UBE2E2: variants seen among roughly 807,000 people sequenced by gnomAD.
UBE2E2 encodes ubiquitin conjugating enzyme E2 E2, also known as ubiquitin-conjugating enzyme E2 E2.
A neutral mutation model predicts 24.7 loss-of-function variants in UBE2E2; 6 were observed. The observed-to-expected ratio is 0.24, with a 90% CI of 0.13 to 0.48. The LOEUF is 0.48. UBE2E2 is among the 20% of genes least tolerant of loss of function. The pLI, the probability that UBE2E2 is intolerant of heterozygous loss-of-function variation, is 0.99. For synonymous variants in UBE2E2, 104 were observed against 83.6 expected (o/e 1.24, Z -1.33); for missense variants, 169 against 245.0 (o/e 0.69, Z 2.07).
intron 3 of UBE2E2, among the ~76,000 whole-genome samples, chr3:23,378,285 A>C (rs143317186): frequency 2.0e-3 from 299 of 151,092 alleles, no homozygotes; most frequent in Admixed American, 4.4e-3. Flanking sequence ...TTAAAATTGT[A>C]CACATCTTGC....
chr3:23,562,634 A>G (rs1310841613), intron 5 of UBE2E2, among the ~76,000 whole-genome samples: 2 of 152,248 alleles, frequency 1.3e-5, no homozygotes. Flanking sequence ...GAATAGTTTC[A>G]GAAGGAATGG....
At position 23,567,612 on chromosome 3, in the gene UBE2E2, C is replaced by T. The variant is rs569032842; in HGVS notation, c.509-22122C>T. Among the ~76,000 whole-genome samples, 63 of 152,254 alleles carry T rather than the reference C, an allele frequency of 4.1e-4. 1 individual carries two copies. The highest frequency in any genetic ancestry group is 1.5e-3 in the African/African-American group (62 of 41,532). ...AAGTGGCACCAGACCTGTCAGAATG[C>T]TCACCACGCCAAGTCAGTGACTTAA... On this transcript the variant is annotated intron_variant, in intron 5 of 5. Transcript: ENST00000396703.
chr3:23,250,141 A>C (rs928054412), intron 3 of UBE2E2, among the ~76,000 whole-genome samples: 5 of 152,164 alleles, frequency 3.3e-5, no homozygotes, highest in Non-Finnish European at 7.3e-5. Context: ...TTGTTACCAC[A>C]ACCTTGCAGG....
In UBE2E2 at chr3:23,506,738, A is replaced by G. The variant is rs142311123; in HGVS notation, c.360+6998A>G. Among the ~76,000 whole-genome samples the G allele has an allele frequency of 8.6e-3, 1,316 of 152,208 alleles. 8 individuals are homozygous for G. Among genetic ancestry groups the G allele is most frequent in the African/African-American group, 0.027 (1,127 of 41,516 alleles). On this transcript the variant is annotated intron_variant, in intron 4 of 5. Transcript: ENST00000396703. ...AACCTCAGCCTCCCGGGCTCAAGCAATCTTCCCACCCCAGCCTCCCAAATG... is the reference window on the plus strand; with the variant it reads ...AACCTCAGCCTCCCGGGCTCAAGCAGTCTTCCCACCCCAGCCTCCCAAATG...
intron 5 of UBE2E2, chr3:23,534,367 C>A: frequency 4.8e-6 from 2 of 413,476 alleles, no homozygotes; most frequent in Non-Finnish European, 6.5e-6. Context: ...ATTACAAATG[C>A]ATTCTGCAAA....
In UBE2E2 at chr3:23,267,129, G is replaced by A. The variant is rs62255301; in HGVS notation, c.227+49817G>A. The stretch of plus-strand genomic sequence containing the variant: ...AAAGATCCAAAATTGACACCCTAAC[G>A]TCACAATTAAAAGAACTAGAAAAGC... On this transcript the variant is annotated intron_variant, in intron 3 of 5. Transcript: ENST00000396703. Among the ~76,000 whole-genome samples, 893 of 151,268 alleles carry A rather than the reference G, an allele frequency of 5.9e-3. 8 individuals are homozygous for A. The highest frequency in any genetic ancestry group is 0.018 in the African/African-American group (749 of 41,172).
intron 3 of UBE2E2, among the ~76,000 whole-genome samples, chr3:23,233,546 A>G (rs1275492802): frequency 6.6e-6 from 1 of 152,224 alleles, no homozygotes; most frequent in African/African-American, 2.4e-5. Context: ...TATCCTAAAC[A>G]TTGGAACAAA....
intron 3 of UBE2E2, among the ~76,000 whole-genome samples, chr3:23,406,847 C>G (rs929379896): frequency 1.3e-5 from 2 of 152,186 alleles, no homozygotes; most frequent in African/African-American, 4.8e-5. Context: ...ACACTTGATA[C>G]CTCCCTATTG....
chr3:23,304,034 G>A (rs560153021), intron 3 of UBE2E2, among the ~76,000 whole-genome samples: 2 of 152,280 alleles, frequency 1.3e-5, no homozygotes, highest in South Asian at 4.1e-4. Flanking sequence ...TTTAGTCCAC[G>A]ACTGTTGGGT....
At chr3:23,481,968 A>G (rs1340900967) in intron 3 of UBE2E2, among the ~76,000 whole-genome samples, 1 of 152,254 alleles carries the variant, frequency 6.6e-6, no homozygotes, top group East Asian at 1.9e-4. Flanking sequence ...AGATACCATG[A>G]CTAGTGAACT....
chr3:23,355,232 G>A (rs188554890), intron 3 of UBE2E2, among the ~76,000 whole-genome samples: 506 of 147,512 alleles, frequency 3.4e-3, no homozygotes, highest in Non-Finnish European at 5.4e-3. Context: ...ACTGGTGGGG[G>A]GTTGGGGGAG....
intron 1 of UBE2E2, among the ~76,000 whole-genome samples, chr3:23,207,063 G>A (rs1696167019): frequency 6.6e-6 from 1 of 152,182 alleles, no homozygotes; most frequent in African/African-American, 2.4e-5. Context: ...TGAGAAGATA[G>A]CTATACAGTG....
At chr3:23,314,720 T>A (rs997892832) in intron 3 of UBE2E2, among the ~76,000 whole-genome samples, 1 of 152,340 alleles carries the variant, frequency 6.6e-6, no homozygotes, top group East Asian at 1.9e-4. Context: ...TAACCAGATA[T>A]GCTTTTCTGA....
intron 3 of UBE2E2, among the ~76,000 whole-genome samples, chr3:23,472,865 C>T (rs1288048711): frequency 6.6e-6 from 1 of 151,948 alleles, no homozygotes; most frequent in African/African-American, 2.4e-5. Flanking sequence ...ATTGCCTATG[C>T]TGGTCTCAAA....
At chr3:23,390,917 A>G (rs969642148) in intron 3 of UBE2E2, among the ~76,000 whole-genome samples, 1 of 152,220 alleles carries the variant, frequency 6.6e-6, no homozygotes, top group Admixed American at 6.5e-5. Context: ...CACAATTGTA[A>G]TCATTCAATT....
At chr3:23,552,222 C>T (rs569253743) in intron 5 of UBE2E2, among the ~76,000 whole-genome samples, 3 of 152,248 alleles carry the variant, frequency 2.0e-5, no homozygotes, top group African/African-American at 4.8e-5. Flanking sequence ...GGCTTGGTGG[C>T]ACCCCCCTGT....
At chr3:23,354,846 A>G (rs1384210585) in intron 3 of UBE2E2, among the ~76,000 whole-genome samples, 4 of 152,230 alleles carry the variant, frequency 2.6e-5, no homozygotes, top group Admixed American at 1.3e-4. Context: ...CTAGAACTAG[A>G]CATACCATTT....
chr3:23,492,723 C>T (rs1219884713), intron 3 of UBE2E2, among the ~76,000 whole-genome samples: 1 of 152,072 alleles, frequency 6.6e-6, no homozygotes, highest in Non-Finnish European at 1.5e-5. Flanking sequence ...GTTTTTTCAG[C>T]ATTTGATATG....
chr3:23,320,962 C>A (rs1485027746), intron 3 of UBE2E2, among the ~76,000 whole-genome samples: 1 of 152,200 alleles, frequency 6.6e-6, no homozygotes, highest in African/African-American at 2.4e-5. Context: ...AACTGGAAGT[C>A]TAAAATCAAG....
Sources: gnomAD v4.1 joint callset for allele counts (sites outside exome capture counted in the v4.1 genomes callset) on GRCh38, gnomAD v4.1.1 for gene constraint, MANE v1.5 for transcripts, NCBI Gene and HGNC (gene_info 2026-07-23, HGNC 2026-07-21) for gene names.